CDH4: variants seen among roughly 807,000 people sequenced by gnomAD.
The protein encoded by CDH4 is cadherin 4, also known as cadherin-4.
CDH4 carries 33 observed loss-of-function variants against 86.0 expected under a neutral mutation model. The observed-to-expected ratio is 0.38, with a 90% confidence interval of 0.29 to 0.51. The LOEUF is 0.51. CDH4 is among the 20% of genes least tolerant of loss of function. The pLI is 0.86. For missense variants in CDH4, 1,114 were observed against 1,307.4 expected (o/e 0.85, Z 2.28); for synonymous variants, 555 against 549.4 (o/e 1.01, Z -0.14).
At chr20:61,654,232 G>A (rs945583505) in intron 2 of CDH4, among the ~76,000 whole-genome samples, 12 of 152,180 alleles carry the variant, frequency 7.9e-5, no homozygotes, top group Non-Finnish European at 1.3e-4. Flanking sequence ...AGACCAGCCC[G>A]GCCAACACAG....
At chr20:61,808,259 C>T (rs1230891279) in intron 4 of CDH4, among the ~76,000 whole-genome samples, 2 of 152,002 alleles carry the variant, frequency 1.3e-5, no homozygotes, top group Non-Finnish European at 2.9e-5. Flanking sequence ...ATCCTCACTT[C>T]CAGAACCCCA....
intron 3 of CDH4, among the ~76,000 whole-genome samples, chr20:61,765,980 T>A (rs2088694000): frequency 6.6e-6 from 1 of 152,022 alleles, no homozygotes; most frequent in Non-Finnish European, 1.5e-5. Flanking sequence ...CCCGCGCCTC[T>A]GGGATTGGCT....
At chr20:61,436,861 A>G (rs900914814) in intron 2 of CDH4, among the ~76,000 whole-genome samples, 3 of 152,158 alleles carry the variant, frequency 2.0e-5, no homozygotes, top group African/African-American at 7.2e-5. Flanking sequence ...AGCATAACAA[A>G]GACACTCCAA....
chr20:61,579,757 C>G (rs1260169791), intron 2 of CDH4, among the ~76,000 whole-genome samples: 2 of 152,086 alleles, frequency 1.3e-5, no homozygotes, highest in Non-Finnish European at 2.9e-5. Context: ...CTACGAATCT[C>G]CATGCAAAAC....
chr20:61,500,590 A>G lies in CDH4; in HGVS notation c.170-242973A>G, dbSNP rs145691906. 1.8e-3 allele frequency among the ~76,000 whole-genome samples: 269 copies of G among 152,326 alleles called. 1 individual carries two copies. The highest frequency in any genetic ancestry group is 6.3e-3 in the African/African-American group (260 of 41,572). On this transcript the variant is annotated intron_variant, in intron 2 of 15. Coordinates refer to ENST00000614565, the MANE Select transcript of CDH4 (RefSeq NM_001794.5). ...AAGGAAGGGAATGTCTGCATTCTGC[A>G]ATGTGTGCTCTTTCCTCTCAAGACA...
intron 2 of CDH4, among the ~76,000 whole-genome samples, chr20:61,397,102 G>A (rs2085021991): frequency 6.6e-6 from 1 of 152,094 alleles, no homozygotes; most frequent in African/African-American, 2.4e-5. Context: ...GTAATACGGG[G>A]TTTTGCCGTG....
At chr20:61,536,691 G>T (rs933656731) in intron 2 of CDH4, among the ~76,000 whole-genome samples, 2 of 152,234 alleles carry the variant, frequency 1.3e-5, no homozygotes, top group African/African-American at 4.8e-5. Flanking sequence ...GCATACATAC[G>T]TCTAGGCCTA....
chr20:61,283,775 G>A (rs2084277934), intron 2 of CDH4, among the ~76,000 whole-genome samples: 1 of 152,220 alleles, frequency 6.6e-6, no homozygotes, highest in South Asian at 2.1e-4. Flanking sequence ...TGAATTTCTG[G>A]TTCAGAAGCT....
intron 2 of CDH4, among the ~76,000 whole-genome samples, chr20:61,458,487 G>C (rs1374971245): frequency 6.6e-6 from 1 of 151,282 alleles, no homozygotes; most frequent in Non-Finnish European, 1.5e-5. Flanking sequence ...AGTGGTGGTG[G>C]TGCTGATGGT....
rs143786469 is a variant in CDH4, at chr20:61,770,796, T to C, written c.397-2207T>C. On this transcript the variant is annotated intron_variant, in intron 3 of 15. Transcript: ENST00000614565. ...TACTCAGGGGGCTGAGGCAGGAGAA[T>C]GGCATGAGCCCGGGAGGCGGTGCTT... Among the ~76,000 whole-genome samples, 691 of 149,020 alleles carry C rather than the reference T, an allele frequency of 4.6e-3. 8 individuals carry two copies. Among genetic ancestry groups the C allele is most frequent in the African/African-American group, 0.016 (641 of 40,460 alleles).
At chr20:61,830,328 C>G (rs1421708821) in intron 4 of CDH4, among the ~76,000 whole-genome samples, 3 of 152,170 alleles carry the variant, frequency 2.0e-5, no homozygotes, top group Non-Finnish European at 4.4e-5. Flanking sequence ...TCCACATCCT[C>G]TGCCTCAGAG....
chr20:61,505,250 G>A (rs1336342000), intron 2 of CDH4, among the ~76,000 whole-genome samples: 4 of 152,182 alleles, frequency 2.6e-5, no homozygotes, highest in African/African-American at 4.8e-5. Context: ...GAGCAGCACC[G>A]TCATCAGCCT....
intron 2 of CDH4, among the ~76,000 whole-genome samples, chr20:61,551,772 T>G (rs1235647530): frequency 1.3e-5 from 2 of 152,230 alleles, no homozygotes; most frequent in Non-Finnish European, 2.9e-5. Flanking sequence ...GGTACTCACA[T>G]AAGGATAGAC....
At chr20:61,478,551 C>T (rs1257773670) in intron 2 of CDH4, among the ~76,000 whole-genome samples, 3 of 152,166 alleles carry the variant, frequency 2.0e-5, no homozygotes, top group Non-Finnish European at 4.4e-5. Flanking sequence ...ATGGTGTGAA[C>T]GTGCCCTCCA....
intron 2 of CDH4, among the ~76,000 whole-genome samples, chr20:61,305,108 G>A (rs1442592079): frequency 6.6e-6 from 1 of 152,044 alleles, no homozygotes; most frequent in Non-Finnish European, 1.5e-5. Context: ...TGTGTGGTGT[G>A]TGCTCTGGGC....
rs2145600375 is a variant in CDH4, at chr20:61,501,098, CT to C, written c.170-242464del. On this transcript the variant is annotated intron_variant, in intron 2 of 15. Transcript: ENST00000614565. The surrounding 1 kb of genome is among the most constrained non-coding windows in gnomAD (Gnocchi z 4.2). ...GACGGTTCATGATTTCCAAGGTCTT[CT>C]CTGGTTAAGACCAGAAACATGTTTC... Among the ~76,000 whole-genome samples, 1 of 152,320 alleles carries C rather than the reference CT, an allele frequency of 6.6e-6. No homozygotes were observed. Among genetic ancestry groups the C allele is most frequent in the Non-Finnish European group, 1.5e-5 (1 of 68,036 alleles).
At chr20:61,383,262 G>GTGATATATATGAATATA (rs1568822347) in intron 2 of CDH4, among the ~76,000 whole-genome samples, 2 of 32,526 alleles carry the variant, frequency 6.1e-5, no homozygotes. Flanking sequence ...ATGAATATAT[G>GTGATATATATGAATATA]TGATATATAT....
intron 2 of CDH4, among the ~76,000 whole-genome samples, chr20:61,520,967 C>T (rs115424632): frequency 0.02 from 3,097 of 152,180 alleles, 102 homozygotes; most frequent in African/African-American, 0.07. Context: ...CCTTGAAGGG[C>T]GAGTAGAATT....
At position 61,515,075 on chromosome 20, in the gene CDH4, A is replaced by G. The variant is rs116096549; in HGVS notation, c.170-228488A>G. Among the ~76,000 whole-genome samples, 987 of 152,324 alleles carry G rather than the reference A, an allele frequency of 6.5e-3. 11 individuals carry two copies. Among genetic ancestry groups the G allele is most frequent in the African/African-American group, 0.022 (927 of 41,574 alleles). On this transcript the variant is annotated intron_variant, in intron 2 of 15. Transcript: ENST00000614565. ...CCAGGCACAGAGCCTGTCATTCACG[A>G]TCATGTAGCGAGTTCAGAGAGAAGA... is the stretch of plus-strand genomic sequence containing the variant.
Sources: gnomAD v4.1 joint callset for allele counts (sites outside exome capture counted in the v4.1 genomes callset) on GRCh38, gnomAD v4.1.1 for gene constraint, Gnocchi (gnomAD v3.1) non-coding constraint, MANE v1.5 for transcripts, NCBI Gene and HGNC (gene_info 2026-07-23, HGNC 2026-07-21) for gene names.